Variants in EXOC4 observed in about 807,000 individuals in gnomAD.
EXOC4 encodes SEC8-like 1.
Under a neutral mutation model 107.2 loss-of-function variants are expected in EXOC4, and 71 were observed. The observed-to-expected ratio is 0.66, with a 90% CI of 0.55 to 0.81. The LOEUF is 0.81. Ranked by LOEUF, EXOC4 falls within the 30% of genes least tolerant of loss-of-function variation. EXOC4 has a pLI of 0.00. For synonymous variants in EXOC4, 456 were observed against 441.2 expected (o/e 1.03, Z -0.42); for missense variants, 1,108 against 1,189.6 (o/e 0.93, Z 1.01).
At chr7:134,073,771 T>A in the EXOC4 span, among the ~76,000 whole-genome samples, 1 of 152,034 alleles carries the variant, frequency 6.6e-6, no homozygotes, top group East Asian at 1.9e-4. Flanking sequence ...AGGCAGGGGA[T>A]GGGGGTTTTG....
At chr7:133,854,374 G>A (rs988839606) in intron 11 of EXOC4, among the ~76,000 whole-genome samples, 5 of 147,592 alleles carry the variant, frequency 3.4e-5, no homozygotes, top group Non-Finnish European at 7.4e-5. Flanking sequence ...ATTTTCTTTA[G>A]CATTCTTCTC....
intron 10 of EXOC4, among the ~76,000 whole-genome samples, chr7:133,723,536 G>T (rs1451449990): frequency 1.3e-5 from 2 of 151,730 alleles, no homozygotes; most frequent in Non-Finnish European, 2.9e-5. Flanking sequence ...TGTTGCCCAG[G>T]CTGGAGTGCA....
chr7:133,588,338 T>G (rs930392547), intron 9 of EXOC4, among the ~76,000 whole-genome samples: 11 of 152,226 alleles, frequency 7.2e-5, no homozygotes, highest in Non-Finnish European at 1.5e-4. Context: ...GGTTTCCCAT[T>G]TCACCCTTTA....
intron 10 of EXOC4, among the ~76,000 whole-genome samples, chr7:133,717,755 T>C (rs1795028171): frequency 6.6e-6 from 1 of 152,356 alleles, no homozygotes; most frequent in South Asian, 2.1e-4. Flanking sequence ...TTGAAGTTAC[T>C]AAATATAAGG....
chr7:133,940,163 G>C (rs1800395126), intron 14 of EXOC4, among the ~76,000 whole-genome samples: 1 of 152,126 alleles, frequency 6.6e-6, no homozygotes, highest in Non-Finnish European at 1.5e-5. Flanking sequence ...CATTCTAAAA[G>C]GGCTTCACAA....
At chr7:133,840,257 T>C (rs2151247993) in intron 11 of EXOC4, among the ~76,000 whole-genome samples, 1 of 152,292 alleles carries the variant, frequency 6.6e-6, no homozygotes, top group East Asian at 1.9e-4. Context: ...TGCATGAATC[T>C]AACAGTGTTG....
At chr7:133,258,503 T>C (rs1245004839) in intron 1 of EXOC4, among the ~76,000 whole-genome samples, 1 of 152,226 alleles carries the variant, frequency 6.6e-6, no homozygotes, top group East Asian at 1.9e-4. Flanking sequence ...ATTTGGAAAG[T>C]GGGCTAATAC....
At chr7:133,842,033 T>G (rs944641359) in intron 11 of EXOC4, among the ~76,000 whole-genome samples, 5 of 152,228 alleles carry the variant, frequency 3.3e-5, no homozygotes, top group African/African-American at 1.2e-4. Context: ...TGTACCACAT[T>G]TTCTTTATCC....
At chr7:133,867,727 A>G (rs1798671038) in intron 11 of EXOC4, among the ~76,000 whole-genome samples, 1 of 152,182 alleles carries the variant, frequency 6.6e-6, no homozygotes, top group South Asian at 2.1e-4. Flanking sequence ...GGAAAACCCT[A>G]ATCAGTTACT....
At chr7:133,597,954 C>T (rs563048164) in intron 9 of EXOC4, among the ~76,000 whole-genome samples, 13 of 151,494 alleles carry the variant, frequency 8.6e-5, no homozygotes, top group South Asian at 6.3e-4. Flanking sequence ...GGGAGGCTTC[C>T]GCCTCCCAGG....
intron 6 of EXOC4, among the ~76,000 whole-genome samples, chr7:133,367,542 A>G (rs1281232651): frequency 6.6e-6 from 1 of 152,214 alleles, no homozygotes; most frequent in Non-Finnish European, 1.5e-5. Flanking sequence ...GAGGCAGTAC[A>G]GACAGTTCTG....
chr7:133,625,454 T>C (rs190456136), intron 9 of EXOC4, among the ~76,000 whole-genome samples: 1 of 152,368 alleles, frequency 6.6e-6, no homozygotes, highest in Admixed American at 6.5e-5. Context: ...GATTCTTCCC[T>C]CTGTTCCATA....
At chr7:133,635,549 T>C (rs964858296) in intron 10 of EXOC4, among the ~76,000 whole-genome samples, 2 of 150,798 alleles carry the variant, frequency 1.3e-5, no homozygotes, top group Admixed American at 1.3e-4. Context: ...CTCTAATGCC[T>C]TTTTTTCTTC....
chr7:133,315,505 G>C lies in EXOC4; in HGVS notation c.657-1779G>C, dbSNP rs180704554. 3 of 152,272 alleles carry C rather than the reference G, an allele frequency of 2.0e-5. No individual in the cohort carries two copies. The East Asian group carries it at 5.8e-4, about 29-fold the overall frequency. The allele number at this position is 152,272 out of a possible 1,614,324, so 9.4% of individuals were successfully genotyped here. A position where few individuals can be genotyped will look rare whatever the true frequency, so the allele number is the denominator to read the frequency against. On this transcript the variant is annotated intron_variant, in intron 4 of 17. Coordinates refer to ENST00000253861, the MANE Select transcript of EXOC4 (RefSeq NM_021807.4). ...GGGACCTGTGAAGTGTTTTGTAATT[G>C]TGAGTAAAATGCAGGTGAAAGAGGA...
chr7:133,754,582 A>G (rs2151142347), intron 10 of EXOC4, among the ~76,000 whole-genome samples: 1 of 152,302 alleles, frequency 6.6e-6, no homozygotes, highest in Middle Eastern at 3.4e-3. Flanking sequence ...CTACTACTAT[A>G]TACTGTTAAC....
chr7:133,637,807 A>G (rs911652871), intron 10 of EXOC4, among the ~76,000 whole-genome samples: 3 of 152,168 alleles, frequency 2.0e-5, no homozygotes, highest in African/African-American at 4.8e-5. Context: ...AGATTAAAAA[A>G]TTTCATTCTA....
At chr7:134,037,216 C>T (rs546371305) in intron 17 of EXOC4, among the ~76,000 whole-genome samples, 6 of 152,194 alleles carry the variant, frequency 3.9e-5, no homozygotes, top group South Asian at 4.2e-4. Context: ...GTGGTTTTGA[C>T]GAAGTTTTCT....
chr7:134,090,348 A>G, the EXOC4 span, among the ~76,000 whole-genome samples: 1,041 of 152,284 alleles, frequency 6.8e-3, 8 homozygotes, highest in African/African-American at 0.024. Context: ...GACCTGCAGC[A>G]AAGTTTGTAA....
intron 13 of EXOC4, among the ~76,000 whole-genome samples, chr7:133,922,528 A>C (rs571060070): frequency 6.6e-6 from 1 of 152,232 alleles, no homozygotes; most frequent in African/African-American, 2.4e-5. Flanking sequence ...GTATTTCATT[A>C]TGTCACTACA....
Sources: gnomAD v4.1 joint callset for allele counts (sites outside exome capture counted in the v4.1 genomes callset) on GRCh38, gnomAD v4.1.1 for gene constraint, MANE v1.5 for transcripts, NCBI Gene and HGNC (gene_info 2026-07-23, HGNC 2026-07-21) for gene names.